The following PIP5K1B variants were observed in gnomAD, a reference collection of about 807,000 sequenced individuals.
PIP5K1B encodes the protein phosphatidylinositol-4-phosphate 5-kinase type 1 beta.
In PIP5K1B, 42 loss-of-function variants were observed where a neutral mutation model predicts 67.0. The ratio of observed to expected loss-of-function variants is 0.63; its 90% confidence interval spans 0.49 to 0.81. The LOEUF is 0.81. Among genes scored for constraint, PIP5K1B ranks in the 30% least tolerant of loss-of-function variants. PIP5K1B has a pLI of 0.00. For synonymous variants in PIP5K1B, 214 were observed against 231.4 expected, an observed-to-expected ratio of 0.92 and a Z score of 0.68; for missense variants, 459 against 646.3, an observed-to-expected ratio of 0.71 and a Z score of 3.14.
chr9:68,931,693 A>G (rs1160916172), intron 12 of PIP5K1B, among the ~76,000 whole-genome samples: 1 of 152,238 alleles, frequency 6.6e-6, no homozygotes, highest in Admixed American at 6.5e-5. Flanking sequence ...TAAGGGCAGA[A>G]TGAACATGGT....
chr9:68,873,281 CTTTTTTTTTT>C (rs772335388), intron 5 of PIP5K1B, among the ~76,000 whole-genome samples: 1 of 90,630 alleles, frequency 1.1e-5, no homozygotes, highest in South Asian at 3.7e-4. Flanking sequence ...ACTTTCTGAT[CTTTTTTTTTT>C]TTTTTTTTTT....
intron 8 of PIP5K1B, among the ~76,000 whole-genome samples, chr9:68,907,002 AT>A (rs1377725781): frequency 6.6e-6 from 1 of 152,182 alleles, no homozygotes; most frequent in African/African-American, 2.4e-5. Flanking sequence ...CAGATTGCAG[AT>A]TTACTCTCTG....
At chr9:68,768,145 T>A (rs1830521008) in intron 2 of PIP5K1B, among the ~76,000 whole-genome samples, 3 of 152,202 alleles carry the variant, frequency 2.0e-5, no homozygotes, top group Admixed American at 2.0e-4. Context: ...TAACATTATT[T>A]GCAGATATTT....
chr9:69,004,268 T>C (rs751236446), intron 15 of PIP5K1B, among the ~76,000 whole-genome samples: 14 of 152,170 alleles, frequency 9.2e-5, no homozygotes, highest in Non-Finnish European at 1.5e-4. Flanking sequence ...AAATAGTTCA[T>C]GAATTCTCAG....
chr9:68,910,945 G>A (rs1310051798), intron 8 of PIP5K1B, among the ~76,000 whole-genome samples: 1 of 152,200 alleles, frequency 6.6e-6, no homozygotes, highest in Non-Finnish European at 1.5e-5. Context: ...CATTGGCTAG[G>A]GCCATATTAG....
At chr9:68,726,352 C>A (rs1029295048) in intron 1 of PIP5K1B, among the ~76,000 whole-genome samples, 1 of 152,116 alleles carries the variant, frequency 6.6e-6, no homozygotes, top group Non-Finnish European at 1.5e-5. Flanking sequence ...CTGGAATTAC[C>A]TGGCCAAAAA....
chr9:68,792,235 C>T (rs561151065), intron 2 of PIP5K1B, among the ~76,000 whole-genome samples: 1 of 151,510 alleles, frequency 6.6e-6, no homozygotes, highest in East Asian at 1.9e-4. Flanking sequence ...GTCCCTAATA[C>T]AGGGACATAA....
chr9:68,859,646 T>C (rs530943243), intron 4 of PIP5K1B, among the ~76,000 whole-genome samples: 6 of 152,246 alleles, frequency 3.9e-5, no homozygotes, highest in African/African-American at 1.4e-4. Context: ...GTGTCACTGG[T>C]CTGTTGGTGG....
At chr9:68,966,963 GC>G (rs1292252886) in intron 14 of PIP5K1B, among the ~76,000 whole-genome samples, 2 of 152,136 alleles carry the variant, frequency 1.3e-5, no homozygotes, top group Non-Finnish European at 2.9e-5. Flanking sequence ...GGGTCTTTTT[GC>G]AGCTGGGTTT....
At chr9:68,801,983 G>A (rs188871365) in intron 2 of PIP5K1B, among the ~76,000 whole-genome samples, 4 of 152,308 alleles carry the variant, frequency 2.6e-5, no homozygotes, top group Admixed American at 2.6e-4. Context: ...TAAATAATGG[G>A]CATCTCTGGA....
intron 4 of PIP5K1B, among the ~76,000 whole-genome samples, chr9:68,834,840 A>G (rs1444464536): frequency 6.6e-6 from 1 of 152,152 alleles, no homozygotes; most frequent in Non-Finnish European, 1.5e-5. Flanking sequence ...TTGGCTCTTA[A>G]TGATGTGGCA....
intron 2 of PIP5K1B, among the ~76,000 whole-genome samples, chr9:68,802,973 A>T (rs920920814): frequency 6.6e-6 from 1 of 152,230 alleles, no homozygotes; most frequent in Non-Finnish European, 1.5e-5. Context: ...CAGACTAATT[A>T]GGAGGCTAGG....
At position 68,749,412 on chromosome 9, in the gene PIP5K1B, G is replaced by A. The variant is rs56135165; in HGVS notation, c.-86+6755G>A. 4.7e-3 allele frequency among the ~76,000 whole-genome samples: 722 copies of A among 152,280 alleles called. 3 individuals carry two copies. Among genetic ancestry groups the A allele is most frequent in the Non-Finnish European group, 7.8e-3 (529 of 68,024 alleles). On this transcript the variant is annotated intron_variant, in intron 2 of 15. Transcript: ENST00000265382. ...AGTCCCCCTGTAGCCTCCAGAGAGA[G>A]CATGACCCTGCCAGCACCTCAGTTT... is the stretch of plus-strand genomic sequence containing the variant.
At chr9:68,922,312 A>T (rs1375284618) in intron 11 of PIP5K1B, among the ~76,000 whole-genome samples, 1 of 151,944 alleles carries the variant, frequency 6.6e-6, no homozygotes, top group Non-Finnish European at 1.5e-5. Context: ...AAAATACAAA[A>T]ATTAGCCAAG....
Position 68,822,649 on chromosome 9 carries a change from C to A in PIP5K1B, c.35C>A (p.Pro12His). ...GCTGCTGAAAATGGAGAGGCAGCACCTGGAAAACAAAATGAAGAAAAAACC... is the reference window on the plus strand; with the variant it reads ...GCTGCTGAAAATGGAGAGGCAGCACATGGAAAACAAAATGAAGAAAAAACC... Reference protein sequence around the residue: ...SSAAENGEAAPGKQNEEKTYK... With the variant: ...SSAAENGEAAHGKQNEEKTYK... The change falls in exon 4 of 16, where the codon CCT becomes CAT. Residue 12 changes from proline (P) to histidine (H), a missense_variant. Around this residue, in one of 2 missense-constraint regions of PIP5K1B, gnomAD observed 290 missense variants for 474.4 expected, o/e 0.61. Coordinates refer to ENST00000265382, the MANE Select transcript of PIP5K1B (RefSeq NM_003558.4). The A allele has an allele frequency of 6.2e-7, 1 of 1,613,204 alleles. No individual in the cohort carries two copies. The highest frequency in any genetic ancestry group is 8.5e-7 in the Non-Finnish European group (1 of 1,179,484).
intron 7 of PIP5K1B, among the ~76,000 whole-genome samples, chr9:68,893,675 A>C (rs888668012): frequency 2.6e-5 from 4 of 152,196 alleles, no homozygotes; most frequent in Non-Finnish European, 5.9e-5. Flanking sequence ...GACTAGAAGA[A>C]ACTACCCCAT....
chr9:68,857,959 T>TTTGTTGTTGTTG (rs71353086), intron 4 of PIP5K1B, among the ~76,000 whole-genome samples: 19,892 of 149,272 alleles, frequency 0.13, 1,662 homozygotes, highest in Non-Finnish European at 0.19. Flanking sequence ...CTCTTGCTGT[T>TTTGTTGTTGTTG]TTGTTGTTGT....
intron 2 of PIP5K1B, chr9:68,788,362 G>T (rs1379861302): frequency 1.1e-6 from 1 of 947,190 alleles, no homozygotes; most frequent in Non-Finnish European, 1.6e-6. Context: ...GCCCTTAAAG[G>T]GTTTGTACTT....
At chr9:68,965,318 G>A (rs185520482) in intron 14 of PIP5K1B, among the ~76,000 whole-genome samples, 277 of 152,186 alleles carry the variant, frequency 1.8e-3, no homozygotes, top group Non-Finnish European at 1.9e-3. Flanking sequence ...GGGGGCAGAG[G>A]GTGTCCCTGG....
Sources: gnomAD v4.1 joint callset for allele counts (sites outside exome capture counted in the v4.1 genomes callset) on GRCh38, gnomAD v4.1.1 for gene constraint, gnomAD v4.1.1 regional missense constraint, MANE v1.5 for transcripts, NCBI Gene and HGNC (gene_info 2026-07-23, HGNC 2026-07-21) for gene names.